Variants in TENM1 observed in about 807,000 individuals in gnomAD.
The protein encoded by TENM1 is teneurin transmembrane protein 1, also known as teneurin-1.
Under a neutral mutation model 174.8 loss-of-function variants are expected in TENM1, and 35 were observed. That is an observed-to-expected ratio of 0.20 (90% CI 0.15 to 0.27). The LOEUF (loss-of-function observed/expected upper bound fraction) is 0.27, where lower values mean the gene tolerates loss of function less well. Among genes scored for constraint, TENM1 ranks in the 10% least tolerant of loss-of-function variants. The probability of loss-of-function intolerance (pLI) is 1.00; values close to 1 mark genes in which losing one functional copy is unlikely to be tolerated. For missense variants in TENM1, 1,633 were observed against 2,130.1 expected (o/e 0.77, Z 4.59); for synonymous variants, 781 against 798.7 (o/e 0.98, Z 0.37).
rs769065255 is a variant in TENM1, at chrX:124,462,312, T to C, written c.3950-8821A>G. ...CACTAGATGGAAGAAGGCTGGTTCC[T>C]TGAATCACTGCTTGGAGCAGAGATT... is the stretch of plus-strand genomic sequence containing the variant. On this transcript the variant is annotated intron_variant, in intron 22 of 31. Coordinates refer to ENST00000422452, the Ensembl canonical transcript of TENM1. Among the ~76,000 whole-genome samples, 163 of 110,015 alleles carry C rather than the reference T, an allele frequency of 1.5e-3. 1 individual carries two copies. Among genetic ancestry groups the C allele is most frequent in the African/African-American group, 5.2e-3 (157 of 30,181 alleles).
upstream of TENM1, among the ~76,000 whole-genome samples, chrX:124,965,679 C>G (rs888798982): frequency 5.7e-5 from 6 of 105,276 alleles, no homozygotes; most frequent in African/African-American, 2.4e-4. Flanking sequence ...GAGAAAGCAG[C>G]AGATATGAAC....
At chrX:124,540,660 C>T (rs1602625437) in intron 15 of TENM1, among the ~76,000 whole-genome samples, 1 of 111,828 alleles carries the variant, frequency 8.9e-6, no homozygotes, top group African/African-American at 3.3e-5. Flanking sequence ...CACCAGGTAT[C>T]ATGACTAATC....
chrX:124,811,820 A>G (rs1490073078), intron 3 of TENM1, among the ~76,000 whole-genome samples: 1 of 111,424 alleles, frequency 9.0e-6, no homozygotes, highest in Non-Finnish European at 1.9e-5. Flanking sequence ...TACACAATAG[A>G]ATACAATTAA....
intron 11 of TENM1, among the ~76,000 whole-genome samples, chrX:124,586,631 A>G (rs2148235829): frequency 9.2e-6 from 1 of 108,739 alleles, no homozygotes; most frequent in South Asian, 4.1e-4. Context: ...CTGGCACAAG[A>G]GAGGGATGCC....
chrX:124,456,576 T>C (rs1338595833), intron 22 of TENM1, among the ~76,000 whole-genome samples: 2 of 111,847 alleles, frequency 1.8e-5, no homozygotes, highest in Admixed American at 1.9e-4. Context: ...TTGTCCATCA[T>C]TTGGGGAGGT....
At chrX:124,860,609 T>A (rs2056894322) in intron 3 of TENM1, among the ~76,000 whole-genome samples, 1 of 111,862 alleles carries the variant, frequency 8.9e-6, no homozygotes, top group African/African-American at 3.3e-5. Flanking sequence ...TTTGCTAGGG[T>A]CCTTCTTCCT....
intron 3 of TENM1, among the ~76,000 whole-genome samples, chrX:124,847,673 C>T (rs1403803401): frequency 9.0e-6 from 1 of 111,543 alleles, no homozygotes; most frequent in Non-Finnish European, 1.9e-5. Flanking sequence ...CAGAATATAT[C>T]TGTCAGAAAT....
rs1049131002 is a variant in TENM1, at chrX:124,959,913, G to A, written c.217+3624C>T. On this transcript the variant is annotated intron_variant, in intron 1 of 31. Coordinates refer to ENST00000422452, the Ensembl canonical transcript of TENM1. ...CACAGACATTGTTTGGACCTCTAAT[G>A]CGATTCTTAGCTCTAGCCTAATTCA... Among the ~76,000 whole-genome samples, 3 of 111,438 alleles carry A rather than the reference G, an allele frequency of 2.7e-5. No individual in the cohort carries two copies. In the Admixed American group the frequency reaches 2.9e-4, roughly 11 times the overall value.
At chrX:125,132,653 C>T in the TENM1 span, among the ~76,000 whole-genome samples, 2 of 111,843 alleles carry the variant, frequency 1.8e-5, no homozygotes, top group East Asian at 5.6e-4. Context: ...TAAATATCCA[C>T]AAAATTCCTA....
At chrX:124,746,049 T>C (rs746213013) in intron 3 of TENM1, among the ~76,000 whole-genome samples, 2 of 112,020 alleles carry the variant, frequency 1.8e-5, no homozygotes, top group South Asian at 7.5e-4. Context: ...ACTTGTCTTG[T>C]ATCAGGATGT....
intron 1 of TENM1, among the ~76,000 whole-genome samples, chrX:124,937,248 G>A (rs955051852): frequency 3.6e-5 from 4 of 111,271 alleles, no homozygotes; most frequent in African/African-American, 9.8e-5. Context: ...GAATGGATTC[G>A]ATTACAAACA....
At chrX:125,018,380 T>C in the TENM1 span, among the ~76,000 whole-genome samples, 1 of 111,339 alleles carries the variant, frequency 9.0e-6, no homozygotes, top group Admixed American at 9.6e-5. Context: ...ATCAACTCCA[T>C]TTTTATGTTT....
the TENM1 span, among the ~76,000 whole-genome samples, chrX:125,202,821 C>G: frequency 8.9e-6 from 1 of 112,470 alleles, no homozygotes; most frequent in Non-Finnish European, 1.9e-5. Context: ...CTAACAATCT[C>G]CCCTTCTCCG....
chrX:124,382,528 C>G, intron 31 of TENM1, 142 bp downstream of exon 34: 47 of 465,017 alleles, frequency 1.0e-4, no homozygotes, highest in Non-Finnish European at 1.2e-4. Context: ...TTTTTTTATA[C>G]CTTCTCATTA....
intron 3 of TENM1, among the ~76,000 whole-genome samples, chrX:124,857,657 T>C (rs987472421): frequency 9.0e-6 from 1 of 111,105 alleles, no homozygotes; most frequent in African/African-American, 3.3e-5. Context: ...CTAAAATTGA[T>C]TGTGGTGATA....
At chrX:124,388,553 G>A (rs2060249166) in intron 28 of TENM1, among the ~76,000 whole-genome samples, 1 of 112,533 alleles carries the variant, frequency 8.9e-6, no homozygotes, top group African/African-American at 3.2e-5. Context: ...TCTATCCAAT[G>A]TCCACAATGC....
chrX:124,680,414 C>G (rs141997163), intron 5 of TENM1, among the ~76,000 whole-genome samples: 1 of 111,125 alleles, frequency 9.0e-6, no homozygotes, highest in African/African-American at 3.3e-5. Context: ...ATTTTCCATT[C>G]CAAGACTACA....
At chrX:125,185,880 G>A in the TENM1 span, among the ~76,000 whole-genome samples, 2 of 111,910 alleles carry the variant, frequency 1.8e-5, no homozygotes, top group African/African-American at 3.2e-5. Context: ...AAAGGGGTCC[G>A]CTTTTTAAAA....
At chrX:125,001,680 C>CAG in the TENM1 span, among the ~76,000 whole-genome samples, 12,969 of 109,762 alleles carry the variant, frequency 0.12, 644 homozygotes, top group South Asian at 0.22. Flanking sequence ...GGCATGAATG[C>CAG]AGAGCAGAAT....
Sources: gnomAD v4.1 joint callset for allele counts (sites outside exome capture counted in the v4.1 genomes callset) on GRCh38, gnomAD v4.1.1 for gene constraint, MANE v1.5 for transcripts, NCBI Gene and HGNC (gene_info 2026-07-23, HGNC 2026-07-21) for gene names.